The following ACOXL variants were observed in gnomAD, a reference collection of about 807,000 sequenced individuals.
ACOXL encodes acyl-CoA oxidase like, also known as acyl-coenzyme A oxidase-like protein.
In ACOXL, 70 loss-of-function variants were observed where a neutral mutation model predicts 71.9. That is an observed-to-expected ratio of 0.97 (90% CI 0.80 to 1.19). The LOEUF is 1.19. ACOXL is among the 50% of genes most tolerant of loss of function. The probability of loss-of-function intolerance (pLI) is 0.00; values close to 1 mark genes in which losing one functional copy is unlikely to be tolerated. For missense variants in ACOXL, 703 were observed against 736.3 expected (o/e 0.95, Z 0.52); for synonymous variants, 253 against 281.6 (o/e 0.90, Z 1.02).
chr2:110,751,857 G>A (rs1679010070), intron 1 of ACOXL, among the ~76,000 whole-genome samples: 1 of 151,936 alleles, frequency 6.6e-6, no homozygotes, highest in Non-Finnish European at 1.5e-5. Flanking sequence ...ATATTTTAGT[G>A]GTATATTAAT....
intron 10 of ACOXL, among the ~76,000 whole-genome samples, chr2:110,853,465 A>G (rs1227355845): frequency 6.6e-6 from 1 of 152,210 alleles, no homozygotes; most frequent in African/African-American, 2.4e-5. Flanking sequence ...CAAATCTGTG[A>G]TTAAAAGGCT....
intron 2 of ACOXL, among the ~76,000 whole-genome samples, chr2:110,779,132 A>G (rs1683023292): frequency 6.6e-6 from 1 of 152,356 alleles, no homozygotes; most frequent in African/African-American, 2.4e-5. Flanking sequence ...AGAGAAAAAT[A>G]TCTTTAGACA....
At chr2:110,886,943 C>T in intron 10 of ACOXL, 1 of 1,439,768 alleles carries the variant, frequency 6.9e-7, no homozygotes, top group African/African-American at 1.4e-5. Context: ...CGTGGCAGAT[C>T]CCTATAGGCT....
At chr2:110,832,523 C>T (rs1223859728) in intron 9 of ACOXL, among the ~76,000 whole-genome samples, 51 of 134,170 alleles carry the variant, frequency 3.8e-4, no homozygotes, top group Middle Eastern at 4.6e-3. Context: ...CCGGCCTGGG[C>T]GACAGAGCGA....
intron 10 of ACOXL, among the ~76,000 whole-genome samples, chr2:110,904,134 G>A (rs557132908): frequency 1.2e-3 from 181 of 151,968 alleles, no homozygotes; most frequent in Non-Finnish European, 2.1e-3. Flanking sequence ...CAGGGTCTTG[G>A]GCCAGAGGGA....
At chr2:110,996,126 G>C (rs1051500501) in intron 14 of ACOXL, 122 bp downstream of exon 14, 2 of 800,106 alleles carry the variant, frequency 2.5e-6, no homozygotes, top group Non-Finnish European at 2.0e-6. Flanking sequence ...CCTGGAAGCG[G>C]CTAGAGTTCC....
At chr2:110,870,878 C>G (rs10169852) in intron 10 of ACOXL, among the ~76,000 whole-genome samples, 100,330 of 151,966 alleles carry the variant, frequency 0.66, 33,591 homozygotes, top group South Asian at 0.76. Context: ...GACTGTGACA[C>G]GTGGAGTTTT....
chr2:110,898,192 A>G (rs1184821050), intron 10 of ACOXL, among the ~76,000 whole-genome samples: 1 of 152,114 alleles, frequency 6.6e-6, no homozygotes, highest in African/African-American at 2.4e-5. Context: ...AGTCTATACA[A>G]CTCTTTTAGA....
At chr2:110,910,732 G>A (rs2059622813) in intron 11 of ACOXL, among the ~76,000 whole-genome samples, 1 of 151,966 alleles carries the variant, frequency 6.6e-6, no homozygotes, top group African/African-American at 2.4e-5. Context: ...GTGCACATTG[G>A]CCATTGTATA....
chr2:110,822,084 G>T (rs910533778), intron 9 of ACOXL, among the ~76,000 whole-genome samples: 1 of 151,894 alleles, frequency 6.6e-6, no homozygotes, highest in Non-Finnish European at 1.5e-5. Flanking sequence ...ACCTTTCCCT[G>T]GTTCCTTTTA....
chr2:110,850,625 C>A (rs1692485932), intron 10 of ACOXL, among the ~76,000 whole-genome samples: 1 of 152,192 alleles, frequency 6.6e-6, no homozygotes, highest in Non-Finnish European at 1.5e-5. Context: ...CTCATCAAAA[C>A]TTCCCAACAC....
At chr2:110,990,148 TA>T (rs1361828619) in intron 13 of ACOXL, among the ~76,000 whole-genome samples, 4 of 152,350 alleles carry the variant, frequency 2.6e-5, no homozygotes, top group African/African-American at 9.6e-5. Flanking sequence ...GAAAATATAT[TA>T]AATCTATATA....
chr2:110,808,399 G>C (rs1003866854), intron 9 of ACOXL, among the ~76,000 whole-genome samples: 1 of 152,108 alleles, frequency 6.6e-6, no homozygotes, highest in African/African-American at 2.4e-5. Context: ...CTGGGTTCCC[G>C]GGTGACACTG....
chr2:111,109,671 AT>A (rs869081161), intron 17 of ACOXL, among the ~76,000 whole-genome samples: 975 of 75,598 alleles, frequency 0.013, 3 homozygotes, highest in African/African-American at 0.041. Context: ...TTCTCCTTCT[AT>A]TTTTTTTTTT....
chr2:110,981,498 T>C (rs1395435002), intron 12 of ACOXL, among the ~76,000 whole-genome samples: 2 of 152,202 alleles, frequency 1.3e-5, no homozygotes, highest in African/African-American at 4.8e-5. Context: ...AAAGTTGTCA[T>C]GAAGATTAAA....
chr2:111,088,371 T>C (rs2068332663), intron 16 of ACOXL, among the ~76,000 whole-genome samples: 1 of 152,110 alleles, frequency 6.6e-6, no homozygotes. Flanking sequence ...CCATTCACAA[T>C]AGCAAAGACA....
intron 14 of ACOXL, among the ~76,000 whole-genome samples, chr2:111,018,926 C>T (rs1399443184): frequency 2.0e-5 from 3 of 152,206 alleles, no homozygotes; most frequent in African/African-American, 4.8e-5. Flanking sequence ...ATACCCATCA[C>T]CTCCCACTCA....
chr2:111,083,522 T>C (rs1298493792), intron 16 of ACOXL, among the ~76,000 whole-genome samples: 1 of 151,836 alleles, frequency 6.6e-6, no homozygotes, highest in Non-Finnish European at 1.5e-5. Context: ...TGCAAGGTGG[T>C]GGCAACCAGA....
Position 111,040,311 on chromosome 2 carries a change from G to A in ACOXL, c.1369+8597G>A, listed in dbSNP as rs139225233. Among the ~76,000 whole-genome samples, 316 of 152,344 alleles carry A rather than the reference G, an allele frequency of 2.1e-3. 2 individuals carry two copies. Among genetic ancestry groups the A allele is most frequent in the African/African-American group, 7.1e-3 (297 of 41,590 alleles). On this transcript the variant is annotated intron_variant, in intron 15 of 17. Coordinates refer to ENST00000439055, the MANE Select transcript of ACOXL (RefSeq NM_001142807.4). ...CAGCAGAAGGTCCTGAGAAGCTGCG[G>A]CTTGCTCCATCTCTCAGCCTCCTAC...
Sources: allele counts gnomAD v4.1 joint callset (sites outside exome capture counted in the v4.1 genomes callset), GRCh38; gene constraint gnomAD v4.1.1; transcripts MANE v1.5; gene names NCBI Gene and HGNC (gene_info 2026-07-23, HGNC 2026-07-21).